Variants in APC observed in about 807,000 individuals in gnomAD.
APC encodes the protein adenomatous polyposis coli protein.
APC carries 72 observed loss-of-function variants against 247.0 expected under a neutral mutation model. The ratio of observed to expected loss-of-function variants is 0.29; its 90% confidence interval spans 0.24 to 0.35. The LOEUF (loss-of-function observed/expected upper bound fraction) is 0.35. APC is among the 10% of genes least tolerant of loss of function. The pLI is 1.00. For synonymous variants in APC, 1,254 were observed against 1,162.5 expected (o/e 1.08, Z -1.60); for missense variants, 3,400 against 3,360.7 (o/e 1.01, Z -0.29).
intron 1 of APC, among the ~76,000 whole-genome samples, chr5:112,751,293 A>C (rs191298611): frequency 6.6e-6 from 1 of 152,104 alleles, no homozygotes; most frequent in Admixed American, 6.5e-5. Flanking sequence ...GCTTTGTACA[A>C]TATTTTAATA....
intron 5 of APC, among the ~76,000 whole-genome samples, chr5:112,778,642 G>GTT (rs1757971866): frequency 6.6e-6 from 1 of 151,418 alleles, no homozygotes. Context: ...TGACTCCCAG[G>GTT]TTCAAGCGAT....
chr5:112,719,880 A>G (rs950729541), intron 1 of APC, among the ~76,000 whole-genome samples: 2 of 152,214 alleles, frequency 1.3e-5, no homozygotes, highest in Non-Finnish European at 2.9e-5. Context: ...TCTCTATGCC[A>G]TGTAGGTGTC....
At chr5:112,737,522 G>GA (rs1752470719), upstream of APC, among the ~76,000 whole-genome samples, 1 of 152,218 alleles carries the variant, frequency 6.6e-6, no homozygotes, top group African/African-American at 2.4e-5. Context: ...TAGCAATCGA[G>GA]ATGTAATTTA....
intron 14 of APC, among the ~76,000 whole-genome samples, chr5:112,830,792 A>AAGGGGAGG: frequency 6.6e-6 from 1 of 152,274 alleles, no homozygotes; most frequent in Middle Eastern, 3.4e-3. Flanking sequence ...AGTAGAAGAG[A>AAGGGGAGG]AGGGGAGGAT....
intron 14 of APC, chr5:112,830,036 C>T (rs1391542697): frequency 2.6e-5 from 4 of 152,076 alleles, no homozygotes; most frequent in Admixed American, 2.0e-4. Context: ...CCTCCTATAC[C>T]CACAGCCTAC....
intron 7 of APC, among the ~76,000 whole-genome samples, chr5:112,794,328 G>C (rs543267585): frequency 6.6e-6 from 1 of 152,172 alleles, no homozygotes; most frequent in Non-Finnish European, 1.5e-5. Flanking sequence ...CAATCTGCCT[G>C]TCTTGGCCTT....
At chr5:112,834,906 A>G (rs955201372) in intron 14 of APC, 45 bp from the exon 15 acceptor site, 14 of 1,551,736 alleles carry the variant, frequency 9.0e-6, no homozygotes, top group Non-Finnish European at 1.2e-5. Flanking sequence ...AATGAGAGAC[A>G]AATTCCAACT....
At chr5:112,820,540 T>TCCTG (rs1285703064) in intron 10 of APC, among the ~76,000 whole-genome samples, 1 of 152,166 alleles carries the variant, frequency 6.6e-6, no homozygotes, top group Admixed American at 6.5e-5. Flanking sequence ...TATCTATTTG[T>TCCTG]CCTGGGGTGA....
At chr5:112,819,579 A>C (rs1484130345) in intron 10 of APC, among the ~76,000 whole-genome samples, 2 of 152,218 alleles carry the variant, frequency 1.3e-5, no homozygotes, top group African/African-American at 4.8e-5. Context: ...AAATTTATAC[A>C]ATCATAGCAT....
intron 5 of APC, chr5:112,777,849 AGTTT>A (rs1307980365): frequency 4.2e-5 from 10 of 240,132 alleles, no homozygotes; most frequent in Non-Finnish European, 8.0e-5. Context: ...AAAGCCTTTT[AGTTT>A]GTCAGCAGCA....
At chr5:112,811,079 A>T (rs1761937258) in intron 8 of APC, among the ~76,000 whole-genome samples, 1 of 152,194 alleles carries the variant, frequency 6.6e-6, no homozygotes, top group Non-Finnish European at 1.5e-5. Context: ...GAAGACCAGG[A>T]AATAAAAGGA....
intron 1 of APC, among the ~76,000 whole-genome samples, chr5:112,745,633 G>A (rs1047975384): frequency 6.6e-6 from 1 of 151,498 alleles, no homozygotes; most frequent in Non-Finnish European, 1.5e-5. Flanking sequence ...TTGCAATCTC[G>A]GCTCACAGCA....
chr5:112,746,200 A>G (rs1462689864), intron 1 of APC, among the ~76,000 whole-genome samples: 1 of 152,158 alleles, frequency 6.6e-6, no homozygotes, highest in Non-Finnish European at 1.5e-5. Context: ...AGAAAGCATT[A>G]AAAGAGTAAA....
At chr5:112,835,409 G>A (rs917589896) in intron 15 of APC, among the ~76,000 whole-genome samples, 1 of 151,836 alleles carries the variant, frequency 6.6e-6, no homozygotes, top group Non-Finnish European at 1.5e-5. Context: ...CATAGGTGGA[G>A]GAAAAAATAG....
At chr5:112,736,149 C>T (rs1261580962), upstream of APC, among the ~76,000 whole-genome samples, 3 of 152,170 alleles carry the variant, frequency 2.0e-5, no homozygotes, top group South Asian at 2.1e-4. Context: ...TGCAGTGAAT[C>T]ATGTGCTTTC....
At position 112,842,342 on chromosome 5, in the gene APC, G is replaced by A. The variant is rs587783032; in HGVS notation, c.6748G>A (p.Gly2250Ser). ...AAGTACAAGTCCTGTTTCTAAAAAA[G>A]GCCCACCCCTTAAGACTCCAGCCTC... ...SSSTSPVSKK[G>S]PPLKTPASKS... Residue 2250 changes from glycine (G) to serine (S), a missense_variant, in exon 16 of 16, where the codon GGC becomes AGC. Gly to Ser is a moderately conservative substitution (Grantham distance 56). Transcript: ENST00000257430. 6.2e-7 allele frequency: 1 copy of A among 1,613,868 alleles called. No individual in the cohort carries two copies. Among genetic ancestry groups the A allele is most frequent in the East Asian group, 2.2e-5 (1 of 44,880 alleles).
chr5:112,826,031 A>C (rs1763623925), intron 11 of APC, among the ~76,000 whole-genome samples: 1 of 152,230 alleles, frequency 6.6e-6, no homozygotes, highest in Non-Finnish European at 1.5e-5. Flanking sequence ...CTAGTAATAA[A>C]GTTTTGCATA....
At chr5:112,728,938 C>G (rs1341163257) in intron 1 of APC, among the ~76,000 whole-genome samples, 11 of 152,136 alleles carry the variant, frequency 7.2e-5, no homozygotes, top group African/African-American at 2.7e-4. Flanking sequence ...TAACCTAACA[C>G]ACAATATTGA....
chr5:112,728,421 C>T (rs1303307316), intron 1 of APC, among the ~76,000 whole-genome samples: 1 of 152,124 alleles, frequency 6.6e-6, no homozygotes, highest in East Asian at 1.9e-4. Context: ...CGTGAGCCAC[C>T]GTGCCCGACC....
Sources: gnomAD v4.1 joint callset for allele counts (sites outside exome capture counted in the v4.1 genomes callset) on GRCh38, gnomAD v4.1.1 for gene constraint, MANE v1.5 for transcripts, NCBI Gene and HGNC (gene_info 2026-07-23, HGNC 2026-07-21) for gene names.